STK32B: variants seen among roughly 807,000 people sequenced by gnomAD.
STK32B encodes the protein serine/threonine kinase 32B.
STK32B carries 43 observed loss-of-function variants against 52.6 expected under a neutral mutation model. The observed-to-expected ratio is 0.82, with a 90% confidence interval of 0.64 to 1.05. STK32B has a LOEUF of 1.05. Among genes scored for constraint, STK32B ranks in the 50% least tolerant of loss-of-function variants. The probability of loss-of-function intolerance (pLI) is 0.00; values close to 1 mark genes in which losing one functional copy is unlikely to be tolerated. For missense variants in STK32B, 621 were observed against 534.6 expected (o/e 1.16, Z -1.59); for synonymous variants, 238 against 204.3 (o/e 1.17, Z -1.41).
At position 5,113,077 on chromosome 4, in the gene STK32B, T is replaced by C. The variant is rs184898177; in HGVS notation, c.53-26828T>C. 5.2e-3 allele frequency among the ~76,000 whole-genome samples: 787 copies of C among 152,242 alleles called. 27 individuals are homozygous for C. The highest frequency in any genetic ancestry group is 1.5e-3 in the East Asian group (8 of 5,176). On this transcript the variant is annotated intron_variant, in intron 1 of 11. Coordinates refer to ENST00000282908, the MANE Select transcript of STK32B (RefSeq NM_018401.3). The stretch of plus-strand genomic sequence containing the variant: ...CTGAGTGCTGTCATCTGGATGTCTG[T>C]ATTCCCCCAAAATTCTTACATTGAA...
At chr4:5,170,797 T>A (rs1719308055) in intron 3 of STK32B, among the ~76,000 whole-genome samples, 1 of 152,250 alleles carries the variant, frequency 6.6e-6, no homozygotes, top group Admixed American at 6.5e-5. Context: ...TATAGCAGCA[T>A]GATTTATAAT....
rs1364003888 is a variant in STK32B at position 5,317,245 on chromosome 4, T to A, written c.261-13975T>A. ...TATATTATATATAACATATATATATTATATATAACATATAACATATATATA... is the reference window on the plus strand; with the variant it reads ...TATATTATATATAACATATATATATAATATATAACATATAACATATATATA... On this transcript the variant is annotated intron_variant, in intron 3 of 11. Transcript: ENST00000282908. Among the ~76,000 whole-genome samples the A allele has an allele frequency of 6.4e-3, 226 of 35,294 alleles. 38 individuals carry two copies. Among genetic ancestry groups the A allele is most frequent in the East Asian group, 0.048 (39 of 820 alleles). 23.2% of individuals were successfully genotyped at this position (35,294 alleles called of 152,430 possible). A position where few individuals can be genotyped will look rare whatever the true frequency, so the allele number is the denominator to read the frequency against.
At chr4:5,240,053 T>C (rs746715336) in intron 3 of STK32B, among the ~76,000 whole-genome samples, 22 of 74,360 alleles carry the variant, frequency 3.0e-4, no homozygotes, top group African/African-American at 1.1e-3. Context: ...TCATTTCTCT[T>C]CTCTCTCTCT....
intron 3 of STK32B, among the ~76,000 whole-genome samples, chr4:5,228,954 C>G: frequency 6.6e-6 from 1 of 151,838 alleles, no homozygotes; most frequent in East Asian, 1.9e-4. Context: ...GTGACAAGTG[C>G]GAAACTCCGT....
chr4:5,420,867 A>G (rs1337564116), intron 6 of STK32B, among the ~76,000 whole-genome samples: 1 of 107,516 alleles, frequency 9.3e-6, no homozygotes, highest in African/African-American at 3.5e-5. Context: ...ATCCTGGACC[A>G]CTGGAGAAGT....
Position 5,380,423 on chromosome 4 carries a change from G to T in STK32B, c.435-17784G>T, listed in dbSNP as rs187211744. Among the ~76,000 whole-genome samples the T allele has an allele frequency of 1.3e-5, 2 of 152,250 alleles. No homozygotes were observed. Among genetic ancestry groups the T allele is most frequent in the East Asian group, 3.9e-4 (2 of 5,174 alleles). ...AGAGCATTACTCTGAAGAGGTACAG[G>T]AATTTTCCTGATGCTATGTCTAATT... On this transcript the variant is annotated intron_variant, in intron 4 of 11. Coordinates refer to ENST00000282908, the MANE Select transcript of STK32B (RefSeq NM_018401.3). This position sits in a 1 kb window ranked among gnomAD's most constrained non-coding sequence, Gnocchi z 4.3.
At chr4:5,404,863 ATT>A (rs58235629) in intron 5 of STK32B, among the ~76,000 whole-genome samples, 6,730 of 113,078 alleles carry the variant, frequency 0.06, 432 homozygotes, top group African/African-American at 0.2. Flanking sequence ...TCTGTATGCG[ATT>A]TTTTTTTTTT....
intron 3 of STK32B, among the ~76,000 whole-genome samples, chr4:5,221,770 C>G (rs757212070): frequency 2.7e-5 from 4 of 147,258 alleles, no homozygotes; most frequent in Non-Finnish European, 5.9e-5. Flanking sequence ...GCAGGAGAAT[C>G]ACTTGAACCA....
At chr4:5,484,600 T>C (rs1263617634) in intron 11 of STK32B, among the ~76,000 whole-genome samples, 1 of 152,192 alleles carries the variant, frequency 6.6e-6, no homozygotes, top group African/African-American at 2.4e-5. Context: ...TTCAGGTTAA[T>C]ATTGTTACGT....
intron 6 of STK32B, among the ~76,000 whole-genome samples, chr4:5,439,408 G>C (rs1369757418): frequency 6.6e-6 from 1 of 151,984 alleles, no homozygotes; most frequent in Non-Finnish European, 1.5e-5. Flanking sequence ...CTTCTTTTGA[G>C]AAATGTCTGT....
chr4:5,078,300 C>T (rs1712205292), intron 1 of STK32B, among the ~76,000 whole-genome samples: 1 of 152,154 alleles, frequency 6.6e-6, no homozygotes, highest in South Asian at 2.1e-4. Context: ...AGGATTCACT[C>T]TCTAGAACTT....
chr4:5,101,994 G>A (rs532477064), intron 1 of STK32B, among the ~76,000 whole-genome samples: 44 of 152,212 alleles, frequency 2.9e-4, no homozygotes, highest in African/African-American at 9.4e-4. Context: ...CCTCAGGTTC[G>A]TGTCCTCTTC....
chr4:5,468,585 T>C (rs557467304), intron 11 of STK32B, among the ~76,000 whole-genome samples: 2 of 152,238 alleles, frequency 1.3e-5, no homozygotes, highest in African/African-American at 4.8e-5. Context: ...ATGACGATTG[T>C]TACTAATATT....
At chr4:5,401,936 G>A (rs757826640) in intron 5 of STK32B, among the ~76,000 whole-genome samples, 3 of 152,202 alleles carry the variant, frequency 2.0e-5, no homozygotes, top group Non-Finnish European at 4.4e-5. Flanking sequence ...GACTGTTGAT[G>A]TTGGCTAAAC....
intron 4 of STK32B, among the ~76,000 whole-genome samples, chr4:5,339,925 T>G (rs1272533232): frequency 1.3e-5 from 2 of 152,184 alleles, no homozygotes; most frequent in African/African-American, 2.4e-5. Context: ...GTTCAGTGTT[T>G]CCTATATACT....
intron 3 of STK32B, among the ~76,000 whole-genome samples, chr4:5,205,701 C>CGTGT (rs1440637340): frequency 5.4e-5 from 4 of 74,280 alleles, no homozygotes; most frequent in African/African-American, 1.2e-4. Context: ...CAGGCGCGCG[C>CGTGT]GCGTGTGTGT....
At chr4:5,204,881 A>AT (rs915828433) in intron 3 of STK32B, among the ~76,000 whole-genome samples, 27 of 152,008 alleles carry the variant, frequency 1.8e-4, no homozygotes, top group African/African-American at 5.6e-4. Context: ...TTGATGGCTA[A>AT]TTTTTTCTAT....
rs1717659645 is a variant in STK32B at position 5,469,072 on chromosome 4, C to T, written c.1106+1002C>T. Among the ~76,000 whole-genome samples the T allele has an allele frequency of 7.2e-6, 1 of 138,020 alleles. No homozygotes were observed. The highest frequency in any genetic ancestry group is 1.6e-5 in the Non-Finnish European group (1 of 62,202). The allele number at this position is 138,020 out of a possible 152,430, so 90.5% of individuals were successfully genotyped here. A position where few individuals can be genotyped will look rare whatever the true frequency, so the allele number is the denominator to read the frequency against. Reference sequence around the variant, plus strand: ...TCTCAAAAAAAAAAAAAAAAATTATCTAGGGGATTTGTGGCTGTGGCTGAC... The same window carrying T: ...TCTCAAAAAAAAAAAAAAAAATTATTTAGGGGATTTGTGGCTGTGGCTGAC... On this transcript the variant is annotated intron_variant, in intron 11 of 11. Coordinates refer to ENST00000282908, the MANE Select transcript of STK32B (RefSeq NM_018401.3). This position sits in a 1 kb window ranked among gnomAD's most constrained non-coding sequence, Gnocchi z 4.7.
chr4:5,299,944 C>G (rs1474592015), intron 3 of STK32B, among the ~76,000 whole-genome samples: 2 of 152,110 alleles, frequency 1.3e-5, no homozygotes, highest in Non-Finnish European at 2.9e-5. Flanking sequence ...TTCTATGAAA[C>G]TAGTATCATT....
Sources: allele counts gnomAD v4.1 joint callset (sites outside exome capture counted in the v4.1 genomes callset), GRCh38; gene constraint gnomAD v4.1.1; non-coding constraint Gnocchi (gnomAD v3.1); transcripts MANE v1.5; gene names NCBI Gene and HGNC (gene_info 2026-07-23, HGNC 2026-07-21).